Variants in FYB1 observed in about 807,000 individuals in gnomAD.
The protein encoded by FYB1 is FYN binding protein 1, also known as FYN-binding protein 1.
In FYB1, 41 loss-of-function variants were observed where a neutral mutation model predicts 94.1. The ratio of observed to expected loss-of-function variants is 0.44; its 90% CI spans 0.34 to 0.57. FYB1 has a LOEUF of 0.57. Among genes scored for constraint, FYB1 ranks in the 20% least tolerant of loss-of-function variants. FYB1 has a pLI of 0.02. For missense variants in FYB1, 1,050 were observed against 976.8 expected (o/e 1.07, Z -1.00); for synonymous variants, 367 against 353.2 (o/e 1.04, Z -0.44).
Position 39,135,027 on chromosome 5 carries a change from A to G in FYB1, c.1516-13T>C, listed in dbSNP as rs1741556503. The G allele has an allele frequency of 6.2e-7, 1 of 1,608,690 alleles. No individual in the cohort carries two copies. The highest frequency in any genetic ancestry group is 1.7e-5 in the Admixed American group (1 of 59,004). On this transcript the variant is annotated splice_polypyrimidine_tract_variant and intron_variant, in intron 7 of 18. Coordinates refer to ENST00000512982, the MANE Select transcript of FYB1 (RefSeq NM_001465.6). ...TAGGGCCTGTTAGCTGCAAAGAGAA[A>G]AAAATAGTCACAAAAGATTTCCTTA...
At chr5:39,161,798 A>G (rs1230942939) in intron 2 of FYB1, among the ~76,000 whole-genome samples, 1 of 152,218 alleles carries the variant, frequency 6.6e-6, no homozygotes, top group African/African-American at 2.4e-5. Context: ...TTTAGAATAT[A>G]CACATCACCT....
At chr5:39,208,138 A>G (rs773257157) in intron 1 of FYB1, among the ~76,000 whole-genome samples, 4 of 152,226 alleles carry the variant, frequency 2.6e-5, no homozygotes, top group Non-Finnish European at 5.9e-5. Context: ...TCTCATCTTT[A>G]GAACGTTCTT....
chr5:39,214,744 A>G (rs530491726), intron 1 of FYB1, among the ~76,000 whole-genome samples: 1 of 152,306 alleles, frequency 6.6e-6, no homozygotes, highest in South Asian at 2.1e-4. Flanking sequence ...CCTGGCCAAC[A>G]TGGTGAAAAC....
intron 1 of FYB1, among the ~76,000 whole-genome samples, chr5:39,265,453 C>A (rs143238617): frequency 0.015 from 2,290 of 149,950 alleles, 56 homozygotes; most frequent in East Asian, 0.072. Context: ...CACTGCACTC[C>A]AGCCTGGGCG....
At chr5:39,269,911 T>A (rs888881489) in intron 1 of FYB1, 2 of 152,162 alleles carry the variant, frequency 1.3e-5, no homozygotes, top group Non-Finnish European at 2.9e-5. Flanking sequence ...CCCTCCTTTT[T>A]TTTTCCCAAA....
intron 2 of FYB1, 136 bp downstream of exon 2, chr5:39,201,690 A>G (rs1366329622): frequency 1.3e-6 from 1 of 789,796 alleles, no homozygotes; most frequent in African/African-American, 1.8e-5. Flanking sequence ...AAAAAACAAG[A>G]CAAAGAAAAT....
chr5:39,244,007 G>T (rs1217522621), intron 1 of FYB1, among the ~76,000 whole-genome samples: 1 of 152,202 alleles, frequency 6.6e-6, no homozygotes, highest in Non-Finnish European at 1.5e-5. Flanking sequence ...CTGAGACTTT[G>T]CTGAAGTTGC....
chr5:39,187,067 G>A (rs1746889569), intron 2 of FYB1, among the ~76,000 whole-genome samples: 1 of 152,104 alleles, frequency 6.6e-6, no homozygotes, highest in South Asian at 2.1e-4. Context: ...AAACAAAAAA[G>A]TGGTCCTGTC....
In FYB1 at chr5:39,247,179, C is replaced by G. The variant is rs1466032970; in HGVS notation, c.-28+27224G>C. On this transcript the variant is annotated intron_variant, in intron 1 of 1. Coordinates refer to the FYB1 transcript ENST00000510188. The stretch of plus-strand genomic sequence containing the variant: ...TCTCCTTTCAACTGAGCAAAATAAG[C>G]CTTAAAATTTAAATAGTCCTCAGAA... Among the ~76,000 whole-genome samples the G allele has an allele frequency of 4.2e-5, 6 of 142,630 alleles. No homozygotes were observed. The Admixed American group carries it at 4.3e-4, about 10-fold the overall frequency. 93.6% of individuals were successfully genotyped at this position (142,630 alleles called of 152,430 possible). A position where few individuals can be genotyped will look rare whatever the true frequency, so the allele number is the denominator to read the frequency against.
At chr5:39,126,554 G>A (rs559838039) in intron 11 of FYB1, among the ~76,000 whole-genome samples, 41 of 151,800 alleles carry the variant, frequency 2.7e-4, no homozygotes, top group African/African-American at 9.7e-4. Context: ...AACATTAGCT[G>A]GGTGTGGTGG....
At chr5:39,128,078 G>A (rs1740854231) in intron 10 of FYB1, among the ~76,000 whole-genome samples, 1 of 152,144 alleles carries the variant, frequency 6.6e-6, no homozygotes, top group African/African-American at 2.4e-5. Context: ...ACTTAAATAG[G>A]GCATGGAGTT....
At chr5:39,207,364 C>T (rs547723503) in intron 1 of FYB1, among the ~76,000 whole-genome samples, 28 of 152,266 alleles carry the variant, frequency 1.8e-4, no homozygotes, top group African/African-American at 6.5e-4. Flanking sequence ...TTTGCCTTTC[C>T]TCAGAATTAT....
At chr5:39,135,800 G>A (rs545747867) in intron 7 of FYB1, among the ~76,000 whole-genome samples, 1 of 152,236 alleles carries the variant, frequency 6.6e-6, no homozygotes, top group African/African-American at 2.4e-5. Flanking sequence ...CCATGATGCT[G>A]ATGAGGCTCA....
chr5:39,227,386 G>A (rs1579737386), intron 1 of FYB1, among the ~76,000 whole-genome samples: 1 of 152,150 alleles, frequency 6.6e-6, no homozygotes, highest in Admixed American at 6.5e-5. Flanking sequence ...ACTAGAGAAT[G>A]TTCGTATTCT....
At chr5:39,243,400 G>C (rs1097201) in intron 1 of FYB1, among the ~76,000 whole-genome samples, 23,948 of 149,866 alleles carry the variant, frequency 0.16, 5,246 homozygotes, top group African/African-American at 0.48. Flanking sequence ...AATAGGGAAT[G>C]CTTTCCCCAT....
At chr5:39,171,391 A>G (rs1745238242) in intron 2 of FYB1, among the ~76,000 whole-genome samples, 1 of 152,196 alleles carries the variant, frequency 6.6e-6, no homozygotes, top group African/African-American at 2.4e-5. Context: ...CAGCATCAGC[A>G]TCACCTGAGA....
rs1438325021 is a variant in FYB1 at position 39,109,474 on chromosome 5, C to T, written c.2435+882G>A. ...CTTAAAATTTGTATCTTTCATAGAA[C>T]AAAACCTATTGAAAGTCTCTTGCCT... is the stretch of plus-strand genomic sequence containing the variant. On this transcript the variant is annotated intron_variant, in intron 17 of 18. Transcript: ENST00000512982. 2.0e-5 allele frequency among the ~76,000 whole-genome samples: 3 copies of T among 152,110 alleles called. No homozygotes were observed. In the East Asian group the frequency reaches 5.8e-4, roughly 29 times the overall value.
chr5:39,164,240 C>T (rs1223992789), intron 2 of FYB1, among the ~76,000 whole-genome samples: 1 of 152,118 alleles, frequency 6.6e-6, no homozygotes, highest in African/African-American at 2.4e-5. Context: ...GAACAGGAAA[C>T]TAATGCCCTG....
chr5:39,202,604 G>A lies in FYB1; in HGVS notation c.357C>T (p.Asn119=). 2 of 1,613,932 alleles carry A rather than the reference G, an allele frequency of 1.2e-6. No individual in the cohort carries two copies. The highest frequency in any genetic ancestry group is 1.7e-6 in the Non-Finnish European group (2 of 1,179,880). The stretch of plus-strand genomic sequence containing the variant: ...TAGGTTTGGAATCTTCTTTGGGCAA[G>A]TTGATGGGCTTGGGGCCTACAGGTT... ...FLKPVGPKPI[N]LPKEDSKPTF... Residue 119 remains asparagine, a synonymous_variant, in exon 2 of 19, where the codon AAC becomes AAT. Coordinates refer to ENST00000512982, the MANE Select transcript of FYB1 (RefSeq NM_001465.6).
Sources: allele counts gnomAD v4.1 joint callset (sites outside exome capture counted in the v4.1 genomes callset), GRCh38; gene constraint gnomAD v4.1.1; transcripts MANE v1.5; gene names NCBI Gene and HGNC (gene_info 2026-07-23, HGNC 2026-07-21).